The following AANAT variants were observed in gnomAD, a reference collection of about 807,000 sequenced individuals.
AANAT encodes serotonin N-acetyltransferase.
A neutral mutation model predicts 15.6 loss-of-function variants in AANAT; 11 were observed. The ratio of observed to expected loss-of-function variants is 0.71; its 90% CI spans 0.44 to 1.17. The LOEUF is 1.17. Among genes scored for constraint, AANAT ranks in the 50% most tolerant of loss-of-function variants. The pLI is 0.00. For missense variants in AANAT, 286 were observed against 296.3 expected (o/e 0.97, Z 0.26); for synonymous variants, 139 against 131.5 (o/e 1.06, Z -0.39).
upstream of AANAT, among the ~76,000 whole-genome samples, chr17:76,463,110 G>A (rs775195983): frequency 7.2e-5 from 11 of 152,122 alleles, no homozygotes; most frequent in African/African-American, 9.7e-5. Context: ...CAGGCTCTCC[G>A]GGGGTATCAG....
At chr17:76,453,918 T>G (rs982988103) in intron 1 of AANAT, 2 of 152,230 alleles carry the variant, frequency 1.3e-5, no homozygotes, top group African/African-American at 4.8e-5. Flanking sequence ...GGATTCCAAT[T>G]TTTGGCACTG....
At position 76,469,113 on chromosome 17, in the gene AANAT, GCAGA is replaced by G; in HGVS notation, c.164-56_164-53del. The stretch of plus-strand genomic sequence containing the variant: ...CATCTGAGTGGACACTCGGGGTGCA[GCAGA>G]CAGTGGACGCGAGGCACAGCGACTA... On this transcript the variant is annotated intron_variant, in intron 2 of 3. Transcript: ENST00000392492. This position sits in a 1 kb window ranked among gnomAD's most constrained non-coding sequence, Gnocchi z 5.2. 1 of 1,603,082 alleles carries G rather than the reference GCAGA, an allele frequency of 6.2e-7. No individual in the cohort carries two copies. Among genetic ancestry groups the G allele is most frequent in the Middle Eastern group, 1.7e-4 (1 of 6,018 alleles).
chr17:76,457,503 C>G (rs553697941), intron 1 of AANAT, among the ~76,000 whole-genome samples: 26 of 152,292 alleles, frequency 1.7e-4, no homozygotes, highest in Admixed American at 2.6e-4. Context: ...TCTGCGGCTT[C>G]TTGTAATAAT....
chr17:76,460,924 G>A (rs1162176905), intron 2 of AANAT, among the ~76,000 whole-genome samples: 1 of 152,126 alleles, frequency 6.6e-6, no homozygotes, highest in Non-Finnish European at 1.5e-5. Flanking sequence ...CAGCAATTTG[G>A]GAGGCTGAGG....
chr17:76,459,190 G>A (rs16968964), intron 1 of AANAT: 120,808 of 152,188 alleles, frequency 0.79, 48,894 homozygotes, highest in East Asian at 1. Flanking sequence ...TGAAAAGTTT[G>A]AGCAATAGTG....
rs534852112 is a variant in AANAT, at chr17:76,454,272, T to C, written c.-576+490T>C. Among the ~76,000 whole-genome samples the C allele has an allele frequency of 2.0e-5, 3 of 150,846 alleles. No homozygotes were observed. The South Asian group carries it at 6.3e-4, about 32-fold the overall frequency. The stretch of plus-strand genomic sequence containing the variant: ...TGGGCGGATCACGAGGTCAAGAGAT[T>C]GAGACCATCCTGGCCAACATGGCGA... On this transcript the variant is annotated intron_variant, in intron 1 of 6. Transcript: ENST00000250615.
upstream of AANAT, chr17:76,466,062 C>A: frequency 3.2e-6 from 3 of 939,510 alleles, no homozygotes; most frequent in East Asian, 2.7e-5. Context: ...AGGGTGTTGT[C>A]CGGAAAGAAC....
In AANAT at chr17:76,470,034, G is replaced by A; in HGVS notation, c.*64G>A. 2 of 1,406,802 alleles carry A rather than the reference G, an allele frequency of 1.4e-6. No homozygotes were observed. The highest frequency in any genetic ancestry group is 5.2e-5 in the East Asian group (2 of 38,418). 87.1% of individuals were successfully genotyped at this position (1,406,802 alleles called of 1,614,324 possible). A position where few individuals can be genotyped will look rare whatever the true frequency, so the allele number is the denominator to read the frequency against. ...TCTGCCCTGGGCTCCTCTTAGCTCA[G>A]CTGAGCATGGAGACAGCAGTTTCCA... On this transcript the variant is annotated 3_prime_UTR_variant, in exon 4 of 4. Transcript: ENST00000392492.
exon 1 of AANAT, chr17:76,453,490 G>A (rs2073301742): frequency 4.8e-6 from 1 of 209,082 alleles, no homozygotes; most frequent in African/African-American, 2.3e-5. Flanking sequence ...ATGGTGGAGA[G>A]ACTGTCAACA....
chr17:76,465,113 G>T (rs1296982178), upstream of AANAT, among the ~76,000 whole-genome samples: 1 of 151,926 alleles, frequency 6.6e-6, no homozygotes, highest in East Asian at 1.9e-4. Flanking sequence ...ATCAGGTTAG[G>T]TGTTTATCAG....
chr17:76,456,817 C>G (rs945516561), intron 1 of AANAT, among the ~76,000 whole-genome samples: 23 of 152,200 alleles, frequency 1.5e-4, no homozygotes, highest in African/African-American at 5.3e-4. Context: ...TTATCACAAT[C>G]TTGGATATAG....
At chr17:76,453,655 T>C (rs1304397228) in exon 1 of AANAT, 1 of 152,406 alleles carries the variant, frequency 6.6e-6, no homozygotes, top group Non-Finnish European at 1.5e-5. Context: ...CAACTCCAAC[T>C]TGTAAGGCTA....
intron 2 of AANAT, among the ~76,000 whole-genome samples, chr17:76,459,817 T>C (rs2073370240): frequency 6.6e-6 from 1 of 152,190 alleles, no homozygotes; most frequent in Non-Finnish European, 1.5e-5. Flanking sequence ...GCCCAGTGAG[T>C]GCATGATGGC....
At chr17:76,464,066 T>C (rs12939873), upstream of AANAT, among the ~76,000 whole-genome samples, 80,563 of 151,836 alleles carry the variant, frequency 0.53, 23,348 homozygotes, top group Non-Finnish European at 0.66. Context: ...CCTGCCTGGG[T>C]GCGGTGGCTC....
intron 2 of AANAT, chr17:76,462,227 T>G (rs559743509): frequency 3.9e-5 from 6 of 152,374 alleles, no homozygotes; most frequent in African/African-American, 1.2e-4. Context: ...GGGACTGGAA[T>G]CAGAGGATGC....
exon 1 of AANAT, chr17:76,453,459 G>C: frequency 4.1e-6 from 1 of 241,382 alleles, no homozygotes. Flanking sequence ...GAAGAGGGGA[G>C]TGGTCGGGGT....
chr17:76,458,629 C>CCAG (rs2073360469), intron 1 of AANAT, among the ~76,000 whole-genome samples: 1 of 152,162 alleles, frequency 6.6e-6, no homozygotes, highest in Non-Finnish European at 1.5e-5. Context: ...GGCGGCAGAG[C>CCAG]CAGCAGCAGA....
chr17:76,458,826 T>C (rs946519061), intron 1 of AANAT, among the ~76,000 whole-genome samples: 1 of 151,898 alleles, frequency 6.6e-6, no homozygotes, highest in Non-Finnish European at 1.5e-5. Flanking sequence ...CTGGAGCAGG[T>C]GTTTGGGAAG....
At chr17:76,454,320 C>T (rs1475158473) in intron 1 of AANAT, among the ~76,000 whole-genome samples, 2 of 115,628 alleles carry the variant, frequency 1.7e-5, no homozygotes, top group African/African-American at 3.4e-5. Flanking sequence ...ACTAAAAATA[C>T]GGAAAAAAAA....
Sources: gnomAD v4.1 joint callset for allele counts (sites outside exome capture counted in the v4.1 genomes callset) on GRCh38, gnomAD v4.1.1 for gene constraint, Gnocchi (gnomAD v3.1) non-coding constraint, MANE v1.5 for transcripts, NCBI Gene and HGNC (gene_info 2026-07-23, HGNC 2026-07-21) for gene names.